Variants in SPACA7 observed in about 807,000 individuals in gnomAD.
SPACA7 encodes the protein sperm acrosome-associated protein 7.
In SPACA7, 19 loss-of-function variants were observed where a neutral mutation model predicts 26.3. That is an observed-to-expected ratio of 0.72 (90% CI 0.50 to 1.06). The LOEUF is 1.06. SPACA7 is among the 50% of genes least tolerant of loss of function. The pLI, the probability that SPACA7 is intolerant of heterozygous loss-of-function variation, is 0.00. For missense variants in SPACA7, 211 were observed against 229.9 expected, an observed-to-expected ratio of 0.92 and a Z score of 0.53; for synonymous variants, 84 against 84.5, an observed-to-expected ratio of 0.99 and a Z score of 0.04.
intron 6 of SPACA7, among the ~76,000 whole-genome samples, chr13:112,433,491 G>T (rs1877395093): frequency 6.6e-6 from 1 of 151,190 alleles, no homozygotes; most frequent in East Asian, 2.0e-4. Flanking sequence ...CCCTCTTAAA[G>T]CATTGGGGTT....
At chr13:112,406,812 T>C (rs993986336) in intron 5 of SPACA7, among the ~76,000 whole-genome samples, 12 of 152,164 alleles carry the variant, frequency 7.9e-5, no homozygotes, top group African/African-American at 2.9e-4. Flanking sequence ...AGGAGATAAA[T>C]ATTCCTTGTT....
intron 1 of SPACA7, among the ~76,000 whole-genome samples, chr13:112,384,244 G>A (rs375675111): frequency 5.9e-5 from 9 of 152,154 alleles, no homozygotes; most frequent in Middle Eastern, 6.8e-3. Flanking sequence ...GATGACAAAA[G>A]AATTAGTATA....
chr13:112,419,213 G>A (rs72670906), intron 5 of SPACA7, among the ~76,000 whole-genome samples: 13,622 of 152,132 alleles, frequency 0.09, 686 homozygotes, highest in African/African-American at 0.11. Context: ...TTTTGGCCAA[G>A]CAGGAGGAAA....
At chr13:112,432,946 T>A (rs1339991016) in intron 6 of SPACA7, among the ~76,000 whole-genome samples, 1 of 152,134 alleles carries the variant, frequency 6.6e-6, no homozygotes, top group Non-Finnish European at 1.5e-5. Context: ...GGACCCCCAG[T>A]CCAGCCCTTC....
At position 112,386,976 on chromosome 13, in the gene SPACA7, G is replaced by T. The variant is rs552896229; in HGVS notation, c.95-6045G>T. Among the ~76,000 whole-genome samples the T allele has an allele frequency of 9.9e-5, 15 of 152,192 alleles. 1 individual carries two copies. In the South Asian group the frequency reaches 2.9e-3, roughly 30 times the overall value. ...AGAGAGGAAATCAGAAGCTATCTATGAGGGAAAAAACCTCAATAAATGGCA... is the reference window on the plus strand; with the variant it reads ...AGAGAGGAAATCAGAAGCTATCTATTAGGGAAAAAACCTCAATAAATGGCA... On this transcript the variant is annotated intron_variant, in intron 1 of 6. Coordinates refer to ENST00000283550, the MANE Select transcript of SPACA7 (RefSeq NM_145248.5).
At chr13:112,384,056 A>G (rs955387111) in intron 1 of SPACA7, among the ~76,000 whole-genome samples, 2 of 152,236 alleles carry the variant, frequency 1.3e-5, no homozygotes, top group African/African-American at 4.8e-5. Context: ...CTTGACTTGG[A>G]AAACAAAAGG....
At chr13:112,419,438 T>C (rs527996362) in intron 5 of SPACA7, among the ~76,000 whole-genome samples, 2 of 152,262 alleles carry the variant, frequency 1.3e-5, no homozygotes, top group South Asian at 4.1e-4. Context: ...CACCCACAGC[T>C]GGGGACAGAC....
chr13:112,397,782 G>T (rs1257167628), intron 2 of SPACA7, among the ~76,000 whole-genome samples: 2 of 152,218 alleles, frequency 1.3e-5, no homozygotes, highest in East Asian at 3.9e-4. Flanking sequence ...CAAGCGTCCA[G>T]CCTTGTACCT....
chr13:112,388,418 G>A (rs1278823537), intron 1 of SPACA7, among the ~76,000 whole-genome samples: 2 of 152,142 alleles, frequency 1.3e-5, no homozygotes, highest in South Asian at 2.1e-4. Context: ...GTTAAGGGAC[G>A]TTTCCCCAGA....
intron 5 of SPACA7, among the ~76,000 whole-genome samples, chr13:112,411,908 A>G (rs1886377032): frequency 6.6e-6 from 1 of 152,014 alleles, no homozygotes. Context: ...TGGCCATGGG[A>G]GTGTAGAGAT....
chr13:112,427,812 G>C (rs922864855), intron 5 of SPACA7, among the ~76,000 whole-genome samples: 7 of 152,084 alleles, frequency 4.6e-5, no homozygotes, highest in African/African-American at 1.7e-4. Flanking sequence ...TTTCACCTAA[G>C]TTGGCAAAGT....
intron 5 of SPACA7, among the ~76,000 whole-genome samples, chr13:112,409,157 G>A (rs1886182411): frequency 6.6e-6 from 1 of 152,184 alleles, no homozygotes; most frequent in Admixed American, 6.5e-5. Flanking sequence ...AAACTGACTA[G>A]CCATATGTAG....
intron 5 of SPACA7, among the ~76,000 whole-genome samples, chr13:112,416,691 A>C (rs371046400): frequency 1.1e-4 from 17 of 152,218 alleles, no homozygotes; most frequent in East Asian, 3.9e-4. Context: ...CATCTCCCTT[A>C]TCACCTCCCA....
At chr13:112,405,197 T>A (rs1202846118) in intron 5 of SPACA7, among the ~76,000 whole-genome samples, 2 of 152,098 alleles carry the variant, frequency 1.3e-5, no homozygotes, top group Non-Finnish European at 1.5e-5. Flanking sequence ...TTAGCCAGGA[T>A]GTATTTTCTT....
At chr13:112,416,417 G>A (rs1025971448) in intron 5 of SPACA7, among the ~76,000 whole-genome samples, 1 of 152,070 alleles carries the variant, frequency 6.6e-6, no homozygotes, top group Non-Finnish European at 1.5e-5. Flanking sequence ...CTCCCAAGTA[G>A]CTGGGATTAT....
intron 5 of SPACA7, among the ~76,000 whole-genome samples, chr13:112,426,307 A>G (rs1429755146): frequency 3.3e-5 from 5 of 152,092 alleles, no homozygotes; most frequent in Non-Finnish European, 7.4e-5. Context: ...TGCCCACTTC[A>G]TTGTCTTGGT....
intron 1 of SPACA7, among the ~76,000 whole-genome samples, chr13:112,391,332 C>T (rs1217192823): frequency 6.6e-6 from 1 of 152,200 alleles, no homozygotes; most frequent in Non-Finnish European, 1.5e-5. Flanking sequence ...TCAGTGGGCA[C>T]TTCAGGCATT....
chr13:112,420,053 C>A (rs182939989), intron 5 of SPACA7, among the ~76,000 whole-genome samples: 32 of 152,312 alleles, frequency 2.1e-4, no homozygotes, highest in Non-Finnish European at 3.5e-4. Flanking sequence ...TGATTCCAAG[C>A]CAGACCTACC....
intron 1 of SPACA7, among the ~76,000 whole-genome samples, chr13:112,380,405 CAAAAAAA>C (rs5806946): frequency 1.4e-5 from 1 of 74,054 alleles, no homozygotes; most frequent in African/African-American, 5.2e-5. Context: ...AACTCAGTCT[CAAAAAAA>C]AAAAAAAAAA....
Sources: allele counts gnomAD v4.1 joint callset (sites outside exome capture counted in the v4.1 genomes callset), GRCh38; gene constraint gnomAD v4.1.1; transcripts MANE v1.5; gene names NCBI Gene and HGNC (gene_info 2026-07-23, HGNC 2026-07-21).